The following AKAP13 variants were observed in gnomAD, a reference collection of about 807,000 sequenced individuals.
AKAP13 encodes the protein A-kinase anchoring protein 13.
In AKAP13, 80 loss-of-function variants were observed where a neutral mutation model predicts 264.5. That is an observed-to-expected ratio of 0.30 (90% CI 0.25 to 0.36). AKAP13 has a LOEUF of 0.36. AKAP13 is among the 10% of genes least tolerant of loss of function. The probability of loss-of-function intolerance (pLI) is 1.00; values close to 1 mark genes in which losing one functional copy is unlikely to be tolerated. For synonymous variants in AKAP13, 1,380 were observed against 1,250.2 expected (o/e 1.10, Z -2.19); for missense variants, 3,712 against 3,435.2 (o/e 1.08, Z -2.01).
At chr15:85,387,684 A>G (rs1473022978) in intron 1 of AKAP13, among the ~76,000 whole-genome samples, 2 of 152,140 alleles carry the variant, frequency 1.3e-5, no homozygotes, top group Non-Finnish European at 2.9e-5. Flanking sequence ...GGCAATTGAC[A>G]TTTTAATAAT....
At chr15:85,723,443 AG>A in intron 26 of AKAP13, 123 bp downstream of exon 26, 1 of 1,334,416 alleles carries the variant, frequency 7.5e-7, no homozygotes, top group South Asian at 1.5e-5. Context: ...AACACTACCC[AG>A]GAGCAACAAG....
intron 12 of AKAP13, chr15:85,662,298 CTA>C: frequency 7.5e-7 from 1 of 1,325,692 alleles, no homozygotes; most frequent in Non-Finnish European, 1.1e-6. Flanking sequence ...CTGTCTCTAA[CTA>C]TGCCCTTCGT....
intron 14 of AKAP13, among the ~76,000 whole-genome samples, chr15:85,675,131 C>T (rs1026730103): frequency 4.6e-5 from 7 of 152,064 alleles, no homozygotes; most frequent in Non-Finnish European, 8.8e-5. Context: ...ACACTCATCA[C>T]GTAAGATTTT....
At position 85,533,813 on chromosome 15, in the gene AKAP13, G is replaced by C; in HGVS notation, c.411G>C (p.Val137=). The change falls in exon 4 of 37, where the codon GTG becomes GTC. Residue 137 remains valine (V), a synonymous_variant. Transcript: ENST00000394518. The part of the protein sequence containing the change: ...GDVNSLDKKL[V]LAFRHLKLPT... ...TGAATTCCCTTGATAAGAAGTTGGT[G>C]CTGGCATTCAGGCACCTGAAGCTGC... 6.2e-7 allele frequency: 1 copy of C among 1,613,802 alleles called. No individual in the cohort carries two copies. Among genetic ancestry groups the C allele is most frequent in the Non-Finnish European group, 8.5e-7 (1 of 1,179,806 alleles).
chr15:85,594,258 T>C (rs2079709782), intron 8 of AKAP13, among the ~76,000 whole-genome samples: 1 of 152,238 alleles, frequency 6.6e-6, no homozygotes, highest in African/African-American at 2.4e-5. Context: ...CAAATGTTCA[T>C]TGAACTCTGT....
intron 3 of AKAP13, among the ~76,000 whole-genome samples, chr15:85,526,799 T>C (rs187731336): frequency 9.2e-4 from 140 of 152,290 alleles, no homozygotes; most frequent in African/African-American, 3.2e-3. Context: ...TCTGAAATAC[T>C]CTCAAGCTAT....
At chr15:85,701,677 A>T (rs1041534277) in intron 17 of AKAP13, among the ~76,000 whole-genome samples, 1 of 148,846 alleles carries the variant, frequency 6.7e-6, no homozygotes, top group South Asian at 2.2e-4. Context: ...CTCCTGACTC[A>T]GGTGATCCAC....
At chr15:85,599,783 C>T (rs925596774) in intron 8 of AKAP13, among the ~76,000 whole-genome samples, 1 of 152,096 alleles carries the variant, frequency 6.6e-6, no homozygotes, top group Admixed American at 6.5e-5. Context: ...TGCCTGTAAT[C>T]CTAGCACTTT....
At chr15:85,474,584 C>T (rs974796092) in intron 1 of AKAP13, among the ~76,000 whole-genome samples, 4 of 152,186 alleles carry the variant, frequency 2.6e-5, no homozygotes, top group African/African-American at 9.7e-5. Flanking sequence ...TTAACATTAA[C>T]AAAATCTTTA....
At chr15:85,723,507 A>G (rs1006849370) in intron 26 of AKAP13, among the ~76,000 whole-genome samples, 187 bp downstream of exon 26, 9 of 152,238 alleles carry the variant, frequency 5.9e-5, no homozygotes, top group African/African-American at 2.2e-4. Context: ...GGCCTGCAAA[A>G]TCATACAAAA....
intron 33 of AKAP13, among the ~76,000 whole-genome samples, chr15:85,740,008 T>A (rs553473637): frequency 6.6e-6 from 1 of 152,356 alleles, no homozygotes; most frequent in Non-Finnish European, 1.5e-5. Flanking sequence ...CTGATGTTCC[T>A]CCTATACATA....
rs112031434 is a variant in AKAP13 at position 85,740,489 on chromosome 15, T to C, written c.7608+217T>C. 3,622 of 542,736 alleles carry C rather than the reference T, an allele frequency of 6.7e-3. 31 individuals are homozygous for C. Among genetic ancestry groups the C allele is most frequent in the Middle Eastern group, 9.3e-3 (19 of 2,052 alleles). The allele number at this position is 542,736 out of a possible 1,614,324, so 33.6% of individuals were successfully genotyped here. A position where few individuals can be genotyped will look rare whatever the true frequency, so the allele number is the denominator to read the frequency against. On this transcript the variant is annotated intron_variant, in intron 34 of 36. Transcript: ENST00000394518. ...GAGCTGGTGTGCCGTAGGCATGGCT[T>C]GATAACCATGCTACAAATCACATAG...
intron 16 of AKAP13, among the ~76,000 whole-genome samples, chr15:85,691,500 T>A (rs925423929): frequency 6.6e-6 from 1 of 152,222 alleles, no homozygotes; most frequent in South Asian, 2.1e-4. Flanking sequence ...TCTTCATGAC[T>A]GTGTAAGCTT....
chr15:85,634,897 T>A (rs1462379997), intron 8 of AKAP13, among the ~76,000 whole-genome samples: 2 of 152,012 alleles, frequency 1.3e-5, no homozygotes, highest in African/African-American at 4.8e-5. Context: ...GTTGTTTGTA[T>A]CAGCAGTTCA....
chr15:85,543,940 A>G lies in AKAP13; in HGVS notation c.647A>G (p.His216Arg), dbSNP rs764259109. The change falls in exon 5 of 37, where the codon CAC becomes CGC. Residue 216 changes from histidine (H) to arginine (R), a missense_variant. This residue lies in a region of AKAP13 where 2,759 missense variants were observed against 2,411.7 expected (regional missense o/e 1.14). Transcript: ENST00000394518. Reference sequence around the variant, plus strand: ...TTGGAGCGAGGCTATCACAAGCTGCACCAGCTTCTAACCGAGTAAGTGCTC... The same window carrying G: ...TTGGAGCGAGGCTATCACAAGCTGCGCCAGCTTCTAACCGAGTAAGTGCTC... ...LALERGYHKL[H>R]QLLTEENAGE... 1 of 1,612,802 alleles carries G rather than the reference A, an allele frequency of 6.2e-7. No homozygotes were observed. The highest frequency in any genetic ancestry group is 2.2e-5 in the East Asian group (1 of 44,842).
chr15:85,721,427 C>G (rs1221573638), intron 23 of AKAP13, among the ~76,000 whole-genome samples: 1 of 152,150 alleles, frequency 6.6e-6, no homozygotes, highest in Non-Finnish European at 1.5e-5. Flanking sequence ...GAACTGCATA[C>G]AGAAATTCAT....
At chr15:85,476,056 T>C (rs567207810) in intron 1 of AKAP13, among the ~76,000 whole-genome samples, 18 of 152,298 alleles carry the variant, frequency 1.2e-4, no homozygotes, top group Middle Eastern at 3.4e-3. Context: ...GACTTACTGC[T>C]GATAGTGTGG....
chr15:85,740,772 A>AC (rs1315821331), intron 34 of AKAP13, among the ~76,000 whole-genome samples: 303 of 42,852 alleles, frequency 7.1e-3, no homozygotes, highest in African/African-American at 0.023. Flanking sequence ...CACACACACA[A>AC]CCACCCCCCC....
intron 1 of AKAP13, among the ~76,000 whole-genome samples, chr15:85,381,092 G>T (rs995029940): frequency 2.6e-5 from 4 of 152,066 alleles, no homozygotes; most frequent in African/African-American, 7.2e-5. Flanking sequence ...CTTTCCGGGT[G>T]GGGGGCGCGC....
Sources: gnomAD v4.1 joint callset for allele counts (sites outside exome capture counted in the v4.1 genomes callset) on GRCh38, gnomAD v4.1.1 for gene constraint, gnomAD v4.1.1 regional missense constraint, MANE v1.5 for transcripts, NCBI Gene and HGNC (gene_info 2026-07-23, HGNC 2026-07-21) for gene names.